The following PTPRT variants were observed in gnomAD, a reference collection of about 807,000 sequenced individuals.
PTPRT encodes protein tyrosine phosphatase receptor type T, also known as receptor-type tyrosine-protein phosphatase T.
A neutral mutation model predicts 176.8 loss-of-function variants in PTPRT; 56 were observed. That is an observed-to-expected ratio of 0.32 (90% CI 0.26 to 0.40). The LOEUF is 0.40. Ranked by LOEUF, PTPRT falls within the 10% of genes least tolerant of loss-of-function variation. PTPRT has a pLI of 1.00. For synonymous variants in PTPRT, 783 were observed against 739.0 expected (o/e 1.06, Z -0.96); for missense variants, 1,540 against 1,908.2 (o/e 0.81, Z 3.60).
intron 9 of PTPRT, among the ~76,000 whole-genome samples, chr20:42,440,820 T>C (rs2179218): frequency 0.84 from 128,039 of 152,200 alleles, 54,217 homozygotes; most frequent in East Asian, 0.88. Context: ...GCTAGAGAAC[T>C]GGGGAAAGCT....
intron 6 of PTPRT, among the ~76,000 whole-genome samples, chr20:42,747,045 A>G (rs1461877302): frequency 1.3e-5 from 2 of 152,226 alleles, no homozygotes; most frequent in African/African-American, 4.8e-5. Context: ...ATTTGTAGCC[A>G]AATCAGAGCA....
intron 6 of PTPRT, among the ~76,000 whole-genome samples, chr20:42,725,187 C>T (rs190702816): frequency 6.6e-6 from 1 of 151,770 alleles, no homozygotes; most frequent in East Asian, 1.9e-4. Context: ...ACCACCACGC[C>T]CGGCTAATTT....
At chr20:42,185,193 C>T (rs1356481397) in intron 16 of PTPRT, among the ~76,000 whole-genome samples, 2 of 152,176 alleles carry the variant, frequency 1.3e-5, no homozygotes, top group African/African-American at 4.8e-5. Flanking sequence ...TCTCCCAGAA[C>T]CTCCTCAGAA....
intron 5 of PTPRT, among the ~76,000 whole-genome samples, chr20:42,768,289 C>T (rs565230843): frequency 6.6e-6 from 1 of 152,268 alleles, no homozygotes; most frequent in South Asian, 2.1e-4. Flanking sequence ...GGGACTCTGC[C>T]ATAGCCTCTT....
At chr20:42,640,408 T>A (rs1007877229) in intron 7 of PTPRT, among the ~76,000 whole-genome samples, 5 of 151,536 alleles carry the variant, frequency 3.3e-5, no homozygotes, top group Non-Finnish European at 7.4e-5. Flanking sequence ...AAAAAAAAAT[T>A]TTTTTGAGAC....
At chr20:42,771,408 C>A (rs1008301311) in intron 5 of PTPRT, 27 bp downstream of exon 5, 1 of 1,573,844 alleles carries the variant, frequency 6.4e-7, no homozygotes, top group African/African-American at 1.4e-5. Context: ...CCTAACGAGT[C>A]TGAGCAGAGG....
intron 6 of PTPRT, among the ~76,000 whole-genome samples, chr20:42,723,352 C>T (rs2076330690): frequency 6.6e-6 from 1 of 152,256 alleles, no homozygotes; most frequent in South Asian, 2.1e-4. Flanking sequence ...AAGCAGCTGG[C>T]AGGTCAACCA....
intron 1 of PTPRT, among the ~76,000 whole-genome samples, chr20:43,122,869 T>C (rs1241399854): frequency 6.6e-6 from 1 of 152,206 alleles, no homozygotes; most frequent in Non-Finnish European, 1.5e-5. Context: ...GTTGTTGTTT[T>C]TGAGATGGAG....
intron 4 of PTPRT, among the ~76,000 whole-genome samples, chr20:42,777,996 C>T (rs944167920): frequency 6.6e-5 from 10 of 152,318 alleles, no homozygotes; most frequent in Admixed American, 2.6e-4. Context: ...GCCAGGATCA[C>T]GCCTTCCTGA....
At chr20:43,149,840 T>C (rs1216537981) in intron 1 of PTPRT, among the ~76,000 whole-genome samples, 1 of 152,210 alleles carries the variant, frequency 6.6e-6, no homozygotes, top group African/African-American at 2.4e-5. Flanking sequence ...CACCGTGGTC[T>C]CTAAGTCTCC....
intron 9 of PTPRT, among the ~76,000 whole-genome samples, chr20:42,437,911 T>C (rs1320650900): frequency 6.6e-6 from 1 of 152,202 alleles, no homozygotes; most frequent in Non-Finnish European, 1.5e-5. Flanking sequence ...TCATGCTGCA[T>C]TGCCCAGCCT....
At chr20:43,127,818 G>T (rs1010418169) in intron 1 of PTPRT, among the ~76,000 whole-genome samples, 20 of 152,168 alleles carry the variant, frequency 1.3e-4, no homozygotes, top group African/African-American at 3.6e-4. Flanking sequence ...AGAGCCTAGG[G>T]CCTTGCTGTT....
chr20:43,185,671 C>T (rs1441994956), intron 1 of PTPRT, among the ~76,000 whole-genome samples: 3 of 152,182 alleles, frequency 2.0e-5, no homozygotes, highest in Admixed American at 6.5e-5. Flanking sequence ...TGGTGGCTCA[C>T]ACCTGCAATC....
At chr20:42,766,298 C>T (rs1322268241) in intron 5 of PTPRT, among the ~76,000 whole-genome samples, 1 of 152,188 alleles carries the variant, frequency 6.6e-6, no homozygotes, top group East Asian at 1.9e-4. Flanking sequence ...GAGCCCCTTC[C>T]ACCACAGACC....
chr20:42,219,376 T>A (rs1429580577), intron 15 of PTPRT, among the ~76,000 whole-genome samples: 1 of 152,158 alleles, frequency 6.6e-6, no homozygotes, highest in Non-Finnish European at 1.5e-5. Context: ...ATGTGGGCTA[T>A]GAAGGGTGTT....
At chr20:42,248,587 C>A in intron 14 of PTPRT, 100 bp downstream of exon 14, 1 of 1,426,408 alleles carries the variant, frequency 7.0e-7, no homozygotes, top group Non-Finnish European at 9.6e-7. Context: ...AACAGAAGAT[C>A]CCTGCTGGAC....
At chr20:42,583,615 C>T (rs2073417701) in intron 7 of PTPRT, among the ~76,000 whole-genome samples, 1 of 152,186 alleles carries the variant, frequency 6.6e-6, no homozygotes, top group Non-Finnish European at 1.5e-5. Flanking sequence ...CCCCCACACA[C>T]ACACATACAT....
intron 1 of PTPRT, among the ~76,000 whole-genome samples, chr20:42,970,417 T>C (rs1982557704): frequency 6.6e-6 from 1 of 152,066 alleles, no homozygotes; most frequent in African/African-American, 2.4e-5. Context: ...AATTATCACA[T>C]TTTCTCACAC....
chr20:42,645,023 C>T (rs6030390), intron 7 of PTPRT, among the ~76,000 whole-genome samples: 23,264 of 152,120 alleles, frequency 0.15, 1,893 homozygotes, highest in South Asian at 0.18. Context: ...CTTATTTTCT[C>T]ACCCCAAGTT....
Sources: allele counts gnomAD v4.1 joint callset (sites outside exome capture counted in the v4.1 genomes callset), GRCh38; gene constraint gnomAD v4.1.1; transcripts MANE v1.5; gene names NCBI Gene and HGNC (gene_info 2026-07-23, HGNC 2026-07-21).